CNTNAP4: variants seen among roughly 807,000 people sequenced by gnomAD.
CNTNAP4 encodes the protein contactin associated protein family member 4.
Under a neutral mutation model 148.4 loss-of-function variants are expected in CNTNAP4, and 98 were observed. The ratio of observed to expected loss-of-function variants is 0.66; its 90% CI spans 0.56 to 0.78. CNTNAP4 has a LOEUF of 0.78. Ranked by LOEUF, CNTNAP4 falls within the 30% of genes least tolerant of loss-of-function variation. The probability of loss-of-function intolerance (pLI) is 0.00; values close to 1 mark genes in which losing one functional copy is unlikely to be tolerated. For missense variants in CNTNAP4, 1,935 were observed against 1,565.6 expected (o/e 1.24, Z -3.98); for synonymous variants, 730 against 565.1 (o/e 1.29, Z -4.14).
At chr16:76,440,330 T>C (rs530266805) in intron 4 of CNTNAP4, among the ~76,000 whole-genome samples, 1 of 152,264 alleles carries the variant, frequency 6.6e-6, no homozygotes, top group Admixed American at 6.5e-5. Context: ...TTTTCTAATT[T>C]ACACATTTTC....
rs192712208 is a variant in CNTNAP4, at chr16:76,466,905, G to C, written c.1484-447G>C. ...GCCAAGAGAACCCATTTTCCAAATAGTTAGCTTTATAAATACAAAGATATT... is the reference window on the plus strand; with the variant it reads ...GCCAAGAGAACCCATTTTCCAAATACTTAGCTTTATAAATACAAAGATATT... On this transcript the variant is annotated intron_variant, in intron 9 of 23. Transcript: ENST00000611870. 6.2e-3 allele frequency among the ~76,000 whole-genome samples: 947 copies of C among 152,138 alleles called. 4 individuals carry two copies. The highest frequency in any genetic ancestry group is 0.01 in the Non-Finnish European group (711 of 67,964).
At chr16:76,338,782 AC>A (rs1287473574) in intron 2 of CNTNAP4, among the ~76,000 whole-genome samples, 4 of 152,106 alleles carry the variant, frequency 2.6e-5, no homozygotes, top group Non-Finnish European at 5.9e-5. Context: ...TGACTTTACA[AC>A]CTTTTGGCTC....
intron 11 of CNTNAP4, among the ~76,000 whole-genome samples, chr16:76,478,190 C>T (rs949319382): frequency 2.6e-5 from 4 of 152,124 alleles, no homozygotes; most frequent in South Asian, 2.1e-4. Flanking sequence ...GAAGTCCTTC[C>T]GAGTAGTCTC....
intron 3 of CNTNAP4, among the ~76,000 whole-genome samples, chr16:76,398,415 G>C (rs1007563508): frequency 6.6e-6 from 1 of 152,132 alleles, no homozygotes; most frequent in South Asian, 2.1e-4. Flanking sequence ...TAAGTGTTGC[G>C]TGATACTGCA....
intron 10 of CNTNAP4, among the ~76,000 whole-genome samples, chr16:76,470,085 C>T (rs983995849): frequency 1.3e-5 from 2 of 152,070 alleles, no homozygotes; most frequent in East Asian, 3.9e-4. Context: ...CTCTTAGAAC[C>T]TGTTCTTCAT....
chr16:76,359,605 T>C (rs1396131379), intron 3 of CNTNAP4, among the ~76,000 whole-genome samples: 1 of 152,202 alleles, frequency 6.6e-6, no homozygotes, highest in Non-Finnish European at 1.5e-5. Flanking sequence ...GATAGATATG[T>C]GATATTTTAA....
At chr16:76,354,957 C>G (rs1376657671) in intron 2 of CNTNAP4, among the ~76,000 whole-genome samples, 2 of 152,130 alleles carry the variant, frequency 1.3e-5, no homozygotes, top group Non-Finnish European at 2.9e-5. Context: ...ACATCCAGTC[C>G]TGGGCAAAGG....
chr16:76,303,230 A>G (rs549689854), intron 1 of CNTNAP4, among the ~76,000 whole-genome samples: 2 of 152,236 alleles, frequency 1.3e-5, no homozygotes, highest in African/African-American at 4.8e-5. Flanking sequence ...AGAAATAGCT[A>G]TTTATTAAAC....
intron 4 of CNTNAP4, among the ~76,000 whole-genome samples, chr16:76,438,627 C>G (rs1049036076): frequency 6.6e-6 from 1 of 152,002 alleles, no homozygotes; most frequent in Non-Finnish European, 1.5e-5. Context: ...GCCAGTAATT[C>G]ACCTCCCTGT....
chr16:76,559,441 T>G lies in CNTNAP4; in HGVS notation c.*758T>G, dbSNP rs2085334252. ...TTTCCAATTAATTTGCTACCATTGTTTGATGGTGACAGTACTTAAGACCCT... is the reference window on the plus strand; with the variant it reads ...TTTCCAATTAATTTGCTACCATTGTGTGATGGTGACAGTACTTAAGACCCT... On this transcript the variant is annotated 3_prime_UTR_variant, in exon 24 of 24. Coordinates refer to ENST00000611870, the MANE Select transcript of CNTNAP4 (RefSeq NM_033401.5). Among the ~76,000 whole-genome samples, 1 of 152,192 alleles carries G rather than the reference T, an allele frequency of 6.6e-6. No individual in the cohort carries two copies. The highest frequency in any genetic ancestry group is 2.1e-4 in the South Asian group (1 of 4,822).
intron 3 of CNTNAP4, among the ~76,000 whole-genome samples, chr16:76,359,752 C>T (rs2013172897): frequency 6.6e-6 from 1 of 152,262 alleles, no homozygotes; most frequent in Non-Finnish European, 1.5e-5. Context: ...TAAACTTTCT[C>T]CTCTCAGATT....
At chr16:76,454,049 TAAAG>T (rs1207248589) in intron 8 of CNTNAP4, among the ~76,000 whole-genome samples, 1 of 152,078 alleles carries the variant, frequency 6.6e-6, no homozygotes, top group Non-Finnish European at 1.5e-5. Context: ...TTCAGCATCT[TAAAG>T]AAACCGCTTC....
At chr16:76,518,224 C>G (rs1159801628) in intron 15 of CNTNAP4, among the ~76,000 whole-genome samples, 3 of 152,108 alleles carry the variant, frequency 2.0e-5, no homozygotes, top group African/African-American at 7.2e-5. Flanking sequence ...GCCTCCCAGG[C>G]TCAAGTGATT....
chr16:76,416,823 T>C (rs1293618002), intron 3 of CNTNAP4, among the ~76,000 whole-genome samples: 1 of 151,404 alleles, frequency 6.6e-6, no homozygotes, highest in Non-Finnish European at 1.5e-5. Context: ...ATTCCAACTA[T>C]AATAATGGAC....
intron 2 of CNTNAP4, among the ~76,000 whole-genome samples, chr16:76,351,685 C>G (rs907110414): frequency 1.3e-5 from 2 of 152,122 alleles, no homozygotes; most frequent in Non-Finnish European, 2.9e-5. Flanking sequence ...CTTTTCACCC[C>G]AGGTAAGGAA....
At chr16:76,363,231 C>T (rs989970010) in intron 3 of CNTNAP4, among the ~76,000 whole-genome samples, 2 of 151,122 alleles carry the variant, frequency 1.3e-5, no homozygotes, top group South Asian at 2.1e-4. Flanking sequence ...CAGTGGATCC[C>T]GGCTCATTGC....
intron 3 of CNTNAP4, among the ~76,000 whole-genome samples, chr16:76,423,497 T>C (rs911905519): frequency 2.6e-5 from 4 of 152,132 alleles, no homozygotes; most frequent in Non-Finnish European, 5.9e-5. Flanking sequence ...ATAAAATTAT[T>C]ATTTTTGAAA....
chr16:76,305,469 T>G (rs185646562), intron 1 of CNTNAP4, among the ~76,000 whole-genome samples: 1 of 152,272 alleles, frequency 6.6e-6, no homozygotes, highest in East Asian at 1.9e-4. Context: ...CTAAGTTGAG[T>G]GCTACGTAAT....
chr16:76,442,059 T>C (rs1456517530), intron 4 of CNTNAP4, among the ~76,000 whole-genome samples: 1 of 152,140 alleles, frequency 6.6e-6, no homozygotes, highest in African/African-American at 2.4e-5. Context: ...CAGATGTCAT[T>C]AACTTAGGGA....
Sources: allele counts gnomAD v4.1 joint callset (sites outside exome capture counted in the v4.1 genomes callset), GRCh38; gene constraint gnomAD v4.1.1; transcripts MANE v1.5; gene names NCBI Gene and HGNC (gene_info 2026-07-23, HGNC 2026-07-21).